VTI1A: variants seen among roughly 807,000 people sequenced by gnomAD.
The protein encoded by VTI1A is vesicle transport through interaction with t-SNAREs homolog 1A.
In VTI1A, 22 loss-of-function variants were observed where a neutral mutation model predicts 34.9. That is an observed-to-expected ratio of 0.63 (90% CI 0.45 to 0.90). The LOEUF (loss-of-function observed/expected upper bound fraction) is 0.90. VTI1A is among the 40% of genes least tolerant of loss of function. The pLI is 0.00. For missense variants in VTI1A, 268 were observed against 275.6 expected (o/e 0.97, Z 0.20); for synonymous variants, 87 against 97.3 (o/e 0.89, Z 0.62).
chr10:112,698,595 A>G (rs1225866629), intron 7 of VTI1A, among the ~76,000 whole-genome samples: 1 of 152,226 alleles, frequency 6.6e-6, no homozygotes, highest in Non-Finnish European at 1.5e-5. Context: ...CCCAAATGAG[A>G]AACACTTGTA....
At chr10:112,594,869 A>G (rs1844558652) in intron 5 of VTI1A, among the ~76,000 whole-genome samples, 2 of 151,804 alleles carry the variant, frequency 1.3e-5, no homozygotes, top group South Asian at 4.2e-4. Context: ...CCTAAGCCAA[A>G]AGAACAAAGC....
chr10:112,499,952 T>G (rs753714954), intron 3 of VTI1A, among the ~76,000 whole-genome samples: 6 of 152,198 alleles, frequency 3.9e-5, no homozygotes, highest in Non-Finnish European at 8.8e-5. Flanking sequence ...CTGTCTTCAG[T>G]CAAGTCCTCC....
chr10:112,776,973 C>T (rs559988435), intron 7 of VTI1A, among the ~76,000 whole-genome samples: 37 of 152,198 alleles, frequency 2.4e-4, no homozygotes, highest in South Asian at 2.3e-3. Flanking sequence ...CCACTGCACC[C>T]GGCTAGGCTG....
chr10:112,505,029 A>T (rs1849379662), intron 3 of VTI1A, among the ~76,000 whole-genome samples: 1 of 152,100 alleles, frequency 6.6e-6, no homozygotes, highest in African/African-American at 2.4e-5. Context: ...CTTATCAAAG[A>T]TGAAATCTGC....
chr10:112,640,604 G>A (rs1846533147), intron 5 of VTI1A, among the ~76,000 whole-genome samples: 1 of 152,054 alleles, frequency 6.6e-6, no homozygotes, highest in African/African-American at 2.4e-5. Context: ...TATTGATGTG[G>A]ATCAGGTTGT....
intron 3 of VTI1A, among the ~76,000 whole-genome samples, chr10:112,470,013 T>C (rs896193480): frequency 6.6e-6 from 1 of 152,204 alleles, no homozygotes; most frequent in Non-Finnish European, 1.5e-5. Context: ...CATGCGGGGC[T>C]CATTTCACAT....
At chr10:112,833,713 G>A in the VTI1A span, among the ~76,000 whole-genome samples, 1 of 152,170 alleles carries the variant, frequency 6.6e-6, no homozygotes, top group South Asian at 2.1e-4. Flanking sequence ...CAGGAATCAT[G>A]TCTGGGGCTG....
At chr10:112,718,015 C>G (rs1341772554) in intron 7 of VTI1A, among the ~76,000 whole-genome samples, 1 of 152,204 alleles carries the variant, frequency 6.6e-6, no homozygotes, top group Non-Finnish European at 1.5e-5. Flanking sequence ...AGTGCACACA[C>G]ACAAACCACA....
chr10:112,654,490 A>G (rs1431512543), intron 5 of VTI1A, among the ~76,000 whole-genome samples: 2 of 151,662 alleles, frequency 1.3e-5, no homozygotes, highest in African/African-American at 2.4e-5. Flanking sequence ...TTTTCTTTTT[A>G]TTTATTTATT....
At chr10:112,750,980 G>A (rs572342255) in intron 7 of VTI1A, among the ~76,000 whole-genome samples, 3 of 152,184 alleles carry the variant, frequency 2.0e-5, no homozygotes, top group Non-Finnish European at 2.9e-5. Context: ...GGAAGAGAAC[G>A]AAAGTTCCCC....
rs150923152 is a variant in VTI1A, at chr10:112,669,019, T to C, written c.560+21T>C. 1,473 of 1,609,684 alleles carry C rather than the reference T, an allele frequency of 9.2e-4. 7 individuals are homozygous for C. The African/African-American group carries it at 0.017, about 18-fold the overall frequency. On this transcript the variant is annotated intron_variant, in intron 7 of 7. Transcript: ENST00000393077. ...CGAAGGTAAGAGCAAGGTAGGGACA[T>C]ATCTTTCTCTCTGTGTGTTTTTTTA...
At chr10:112,757,410 A>G (rs972087020) in intron 7 of VTI1A, among the ~76,000 whole-genome samples, 2 of 111,986 alleles carry the variant, frequency 1.8e-5, no homozygotes, top group African/African-American at 3.6e-5. Context: ...TCCATTGCCC[A>G]GGCTGGAGTG....
intron 5 of VTI1A, among the ~76,000 whole-genome samples, chr10:112,593,504 C>T (rs1379233801): frequency 6.6e-6 from 1 of 152,086 alleles, no homozygotes; most frequent in Non-Finnish European, 1.5e-5. Context: ...TCTTTTTTCC[C>T]ATCTCATAAC....
chr10:112,845,062 C>T, the VTI1A span, among the ~76,000 whole-genome samples: 26 of 152,284 alleles, frequency 1.7e-4, 1 homozygote, highest in Admixed American at 1.5e-3. Context: ...TAAAATATGT[C>T]GGTTCGGGAA....
intron 1 of VTI1A, among the ~76,000 whole-genome samples, chr10:112,451,184 A>G (rs1053342519): frequency 6.6e-6 from 1 of 152,224 alleles, no homozygotes; most frequent in African/African-American, 2.4e-5. Context: ...ATGTGCAGTC[A>G]TGGACAATTG....
intron 1 of VTI1A, among the ~76,000 whole-genome samples, chr10:112,451,533 C>T (rs1455717229): frequency 6.6e-6 from 1 of 152,136 alleles, no homozygotes; most frequent in Non-Finnish European, 1.5e-5. Context: ...GTGATTAGGG[C>T]CTTTTGGATA....
At chr10:112,617,673 T>A (rs1359839992) in intron 5 of VTI1A, among the ~76,000 whole-genome samples, 1 of 152,034 alleles carries the variant, frequency 6.6e-6, no homozygotes, top group Non-Finnish European at 1.5e-5. Flanking sequence ...TTCATAAACT[T>A]TGGACTTTGT....
rs146515242 is a variant in VTI1A at position 112,707,585 on chromosome 10, G to T, written c.560+38587G>T. ...CTGACCTGGTGGTCTGCCCGCCTCT[G>T]CCTCCCAAAGTGCTGGGATTACAGG... On this transcript the variant is annotated intron_variant, in intron 7 of 7. Transcript: ENST00000393077. Among the ~76,000 whole-genome samples, 183 of 152,224 alleles carry T rather than the reference G, an allele frequency of 1.2e-3. 1 individual carries two copies. Among genetic ancestry groups the T allele is most frequent in the African/African-American group, 4.2e-3 (173 of 41,540 alleles).
chr10:112,771,259 G>A (rs1270280550), intron 7 of VTI1A, among the ~76,000 whole-genome samples: 2 of 152,238 alleles, frequency 1.3e-5, no homozygotes, highest in Non-Finnish European at 2.9e-5. Flanking sequence ...AGAACTAAAT[G>A]AGATCATTTC....
Sources: allele counts gnomAD v4.1 joint callset (sites outside exome capture counted in the v4.1 genomes callset), GRCh38; gene constraint gnomAD v4.1.1; transcripts MANE v1.5; gene names NCBI Gene and HGNC (gene_info 2026-07-23, HGNC 2026-07-21).